Variants in DAB1 observed in about 807,000 individuals in gnomAD.
DAB1 encodes DAB adaptor protein 1.
A neutral mutation model predicts 64.6 loss-of-function variants in DAB1; 15 were observed. The observed-to-expected ratio is 0.23, with a 90% CI of 0.16 to 0.36. The LOEUF (loss-of-function observed/expected upper bound fraction) is 0.36, where lower values mean the gene tolerates loss of function less well. Ranked by LOEUF, DAB1 falls within the 10% of genes least tolerant of loss-of-function variation. DAB1 has a pLI of 1.00. For missense variants in DAB1, 596 were observed against 706.7 expected (o/e 0.84, Z 1.78); for synonymous variants, 235 against 251.9 (o/e 0.93, Z 0.64).
intron 1 of DAB1, among the ~76,000 whole-genome samples, chr1:57,310,141 T>C (rs650020): frequency 0.015 from 2,305 of 152,314 alleles, 57 homozygotes; most frequent in African/African-American, 0.053. Context: ...CTATCAAGTA[T>C]ACAATGTGTC....
At chr1:57,106,914 G>A (rs1395381498) in intron 4 of DAB1, among the ~76,000 whole-genome samples, 2 of 152,102 alleles carry the variant, frequency 1.3e-5, no homozygotes, top group Admixed American at 6.6e-5. Flanking sequence ...CACAGATGAA[G>A]CAATAGCTAC....
At chr1:57,318,128 G>C (rs1325026437) in intron 1 of DAB1, among the ~76,000 whole-genome samples, 1 of 134,148 alleles carries the variant, frequency 7.5e-6, no homozygotes, top group Non-Finnish European at 1.5e-5. Context: ...CCAGCAAGAT[G>C]CTGACTGAAA....
At chr1:57,077,954 C>T (rs1652145276) in intron 4 of DAB1, among the ~76,000 whole-genome samples, 1 of 152,054 alleles carries the variant, frequency 6.6e-6, no homozygotes, top group African/African-American at 2.4e-5. Flanking sequence ...AGCAGAGAGA[C>T]ACAGAATAAA....
chr1:58,024,896 G>C (rs979333155), intron 5 of DAB1, among the ~76,000 whole-genome samples: 1 of 152,036 alleles, frequency 6.6e-6, no homozygotes, highest in Non-Finnish European at 1.5e-5. Context: ...CTTTGGACTC[G>C]AACTGGAACT....
At chr1:57,131,824 C>T (rs1657672964) in intron 4 of DAB1, among the ~76,000 whole-genome samples, 1 of 152,120 alleles carries the variant, frequency 6.6e-6, no homozygotes, top group Non-Finnish European at 1.5e-5. Context: ...ATTTTGTGTA[C>T]ATTTGCTGAT....
At chr1:57,460,124 A>G (rs1163204633) in intron 7 of DAB1, among the ~76,000 whole-genome samples, 8 of 152,186 alleles carry the variant, frequency 5.3e-5, no homozygotes, top group Non-Finnish European at 8.8e-5. Context: ...CCATTAGTTG[A>G]GCAAACAAAC....
At chr1:58,321,193 C>CTTAGAATACATGTAAATTCTGT (rs1224680953) in intron 4 of DAB1, among the ~76,000 whole-genome samples, 1 of 152,224 alleles carries the variant, frequency 6.6e-6, no homozygotes, top group African/African-American at 2.4e-5. Flanking sequence ...AATTTATACA[C>CTTAGAATACATGTAAATTCTGT]TTAGAATACA....
intron 4 of DAB1, among the ~76,000 whole-genome samples, chr1:58,180,654 G>A (rs570600159): frequency 6.6e-6 from 1 of 152,060 alleles, no homozygotes; most frequent in African/African-American, 2.4e-5. Flanking sequence ...TGCCTTAGCT[G>A]GACCCCACAA....
upstream of DAB1, among the ~76,000 whole-genome samples, chr1:57,886,515 C>T (rs1557537321): frequency 1.3e-5 from 2 of 152,288 alleles, no homozygotes; most frequent in South Asian, 4.1e-4. Context: ...AATTCTTTAC[C>T]ACGTACCAGG....
intron 4 of DAB1, among the ~76,000 whole-genome samples, chr1:58,332,592 A>T (rs540530108): frequency 5.9e-5 from 9 of 152,348 alleles, no homozygotes; most frequent in African/African-American, 2.2e-4. Flanking sequence ...GAAGAATGCC[A>T]TCATTCTTCA....
intron 5 of DAB1, among the ~76,000 whole-genome samples, chr1:58,105,741 A>T (rs1004501819): frequency 6.6e-6 from 1 of 152,214 alleles, no homozygotes; most frequent in Admixed American, 6.5e-5. Flanking sequence ...GAGGAAAGTA[A>T]GAAAAAGTCC....
intron 7 of DAB1, among the ~76,000 whole-genome samples, chr1:57,436,862 C>T (rs1458223777): frequency 2.0e-5 from 3 of 151,892 alleles, no homozygotes; most frequent in Admixed American, 6.6e-5. Flanking sequence ...CCCGTCTCTA[C>T]TAAAAAATAC....
chr1:57,123,531 GA>G (rs1468210994), intron 4 of DAB1, among the ~76,000 whole-genome samples: 1 of 151,998 alleles, frequency 6.6e-6, no homozygotes, highest in Non-Finnish European at 1.5e-5. Context: ...CAACTTTTTA[GA>G]ATATAATTTG....
In DAB1 at chr1:57,162,548, C is replaced by T. The variant is rs568316260; in HGVS notation, c.68-17119G>A. ...AAATGAACAAGAGTTTCTATTTGCA[C>T]GTGCAACCTGCAATTGGCCACAAAC... On this transcript the variant is annotated intron_variant, in intron 2 of 14. Transcript: ENST00000371236. Among the ~76,000 whole-genome samples the T allele has an allele frequency of 2.6e-5, 4 of 152,350 alleles. No homozygotes were observed. The South Asian group carries it at 6.2e-4, about 24-fold the overall frequency.
rs201111039 is a variant in DAB1 at position 57,206,968 on chromosome 1, CTTTTTT to C, written c.68-61545_68-61540del. Reference sequence around the variant, plus strand: ...CTCTTTCTCTTTCTTTCCTTCCTTCCTTTTTTTTTTTTTTTTTTTTTTGGAGTTTCG... The same window carrying C: ...CTCTTTCTCTTTCTTTCCTTCCTTCCTTTTTTTTTTTTTTTTGGAGTTTCG... On this transcript the variant is annotated intron_variant, in intron 2 of 14. Coordinates refer to ENST00000371236, the MANE Select transcript of DAB1 (RefSeq NM_001365792.1). Among the ~76,000 whole-genome samples the C allele has an allele frequency of 6.0e-3, 504 of 84,492 alleles. 12 individuals carry two copies. The East Asian group carries it at 0.13, about 22-fold the overall frequency. 55.4% of individuals were successfully genotyped at this position (84,492 alleles called of 152,430 possible).
intron 7 of DAB1, among the ~76,000 whole-genome samples, chr1:57,593,957 T>C (rs574212557): frequency 1.3e-4 from 20 of 152,282 alleles, no homozygotes; most frequent in Admixed American, 8.5e-4. Context: ...GAGAAAGCTG[T>C]CCTCTAACTG....
At chr1:57,562,971 G>T (rs188721915) in intron 7 of DAB1, among the ~76,000 whole-genome samples, 3 of 152,190 alleles carry the variant, frequency 2.0e-5, no homozygotes, top group Admixed American at 2.0e-4. Context: ...ATATAAATAG[G>T]AGGCCATTAG....
chr1:57,978,073 T>C (rs1411467970), intron 5 of DAB1, among the ~76,000 whole-genome samples: 1 of 152,082 alleles, frequency 6.6e-6, no homozygotes, highest in Non-Finnish European at 1.5e-5. Context: ...TACTTTAAAG[T>C]TCATATGGAA....
chr1:58,214,103 T>C (rs1658711873), intron 4 of DAB1, among the ~76,000 whole-genome samples: 1 of 152,190 alleles, frequency 6.6e-6, no homozygotes, highest in Non-Finnish European at 1.5e-5. Flanking sequence ...CACCTGCTCC[T>C]GATTGCCTTT....
Sources: allele counts gnomAD v4.1 joint callset (sites outside exome capture counted in the v4.1 genomes callset), GRCh38; gene constraint gnomAD v4.1.1; transcripts MANE v1.5; gene names NCBI Gene and HGNC (gene_info 2026-07-23, HGNC 2026-07-21).